The following PPM1H variants were observed in gnomAD, a reference collection of about 807,000 sequenced individuals.
PPM1H encodes the protein protein phosphatase 1H.
In PPM1H, 27 loss-of-function variants were observed where a neutral mutation model predicts 54.9. The ratio of observed to expected loss-of-function variants is 0.49; its 90% CI spans 0.36 to 0.68. PPM1H has a LOEUF of 0.68. Among genes scored for constraint, PPM1H ranks in the 30% least tolerant of loss-of-function variants. The pLI, the probability that PPM1H is intolerant of heterozygous loss-of-function variation, is 0.00. For missense variants in PPM1H, 596 were observed against 667.8 expected (o/e 0.89, Z 1.19); for synonymous variants, 305 against 270.8 (o/e 1.13, Z -1.24).
intron 4 of PPM1H, among the ~76,000 whole-genome samples, chr12:62,786,149 C>T (rs11174650): frequency 0.064 from 9,753 of 152,256 alleles, 419 homozygotes; most frequent in Middle Eastern, 0.12. Context: ...ATCATCCACT[C>T]GGTCTTACTC....
chr12:62,738,443 C>T (rs1299189688), intron 4 of PPM1H, among the ~76,000 whole-genome samples: 1 of 152,094 alleles, frequency 6.6e-6, no homozygotes, highest in African/African-American at 2.4e-5. Flanking sequence ...AGCTATTGCC[C>T]AGTCAAGGAC....
At chr12:62,820,446 G>A (rs1432250594) in intron 2 of PPM1H, among the ~76,000 whole-genome samples, 2 of 152,236 alleles carry the variant, frequency 1.3e-5, no homozygotes, top group Admixed American at 6.5e-5. Flanking sequence ...GCCTCCTCAA[G>A]TGGGTCCCTG....
intron 4 of PPM1H, among the ~76,000 whole-genome samples, chr12:62,769,393 G>A (rs901871212): frequency 6.6e-6 from 1 of 152,224 alleles, no homozygotes; most frequent in Non-Finnish European, 1.5e-5. Flanking sequence ...CTGCGTGTGA[G>A]CAACTGGTCC....
At chr12:62,777,978 A>G (rs1164824571) in intron 4 of PPM1H, among the ~76,000 whole-genome samples, 1 of 152,210 alleles carries the variant, frequency 6.6e-6, no homozygotes, top group Non-Finnish European at 1.5e-5. Context: ...GAGAAGAAAA[A>G]TAAAAATTAG....
chr12:62,734,119 T>C (rs1436212799), intron 5 of PPM1H, among the ~76,000 whole-genome samples: 1 of 150,124 alleles, frequency 6.7e-6, no homozygotes, highest in African/African-American at 2.5e-5. Context: ...TCCTTGTGCC[T>C]TCTGCCACAT....
In PPM1H at chr12:62,645,169, A is replaced by G. The variant is rs2075778333; in HGVS notation, c.*3320T>C. 6.6e-6 allele frequency: 1 copy of G among 152,152 alleles called. No homozygotes were observed. The highest frequency in any genetic ancestry group is 2.1e-4 in the South Asian group (1 of 4,830). 9.4% of individuals were successfully genotyped at this position (152,152 alleles called of 1,614,324 possible). A position where few individuals can be genotyped will look rare whatever the true frequency, so the allele number is the denominator to read the frequency against. On this transcript the variant is annotated 3_prime_UTR_variant, in exon 10 of 10. Coordinates refer to ENST00000228705, the MANE Select transcript of PPM1H (RefSeq NM_020700.2). ...CTTGTTAAATGGAAAACCCTTCCTGAATGGGGAAGATCTGAGGCTAAATCT... is the reference window on the plus strand; with the variant it reads ...CTTGTTAAATGGAAAACCCTTCCTGGATGGGGAAGATCTGAGGCTAAATCT...
Position 62,737,536 on chromosome 12 carries a change from G to A in PPM1H, c.920C>T (p.Thr307Ile), listed in dbSNP as rs1033115757. 1 of 1,588,178 alleles carries A rather than the reference G, an allele frequency of 6.3e-7. No homozygotes were observed. Among genetic ancestry groups the A allele is most frequent in the Non-Finnish European group, 8.6e-7 (1 of 1,166,400 alleles). ...GEIIPMSSEF[T>I]PETERQRLQY... is the part of the protein sequence containing the mutation. ...AAGTCGCTGGCGCTCCGTCTCGGGG[G>A]TAAATTCTGAAGACATGGGGATAAT... Residue 307 changes from threonine (T) to isoleucine (I), a missense_variant, in exon 5 of 10, where the codon ACC becomes ATC. Physicochemically the swap from Thr to Ile is moderately conservative, Grantham distance 89. Transcript: ENST00000228705.
chr12:62,714,562 C>A (rs560856648), intron 6 of PPM1H, among the ~76,000 whole-genome samples: 3 of 152,242 alleles, frequency 2.0e-5, no homozygotes, highest in South Asian at 2.1e-4. Context: ...AAGCCTACCC[C>A]CTGCCGCCAC....
At chr12:62,756,990 T>C (rs2076480467) in intron 4 of PPM1H, among the ~76,000 whole-genome samples, 1 of 152,072 alleles carries the variant, frequency 6.6e-6, no homozygotes, top group East Asian at 1.9e-4. Flanking sequence ...CACTCAATGC[T>C]ATGACTGGTC....
chr12:62,821,066 G>T (rs1244129856), intron 2 of PPM1H, among the ~76,000 whole-genome samples: 2 of 152,156 alleles, frequency 1.3e-5, no homozygotes, highest in African/African-American at 2.4e-5. Flanking sequence ...ACAGTGTAGA[G>T]AAGACCTTAA....
At chr12:62,653,749 C>T (rs2075828181) in intron 9 of PPM1H, among the ~76,000 whole-genome samples, 1 of 152,170 alleles carries the variant, frequency 6.6e-6, no homozygotes, top group South Asian at 2.1e-4. Context: ...AGAACATGTT[C>T]ATTTCAGCTT....
chr12:62,915,814 T>C (rs1294811675), intron 1 of PPM1H, among the ~76,000 whole-genome samples: 2 of 152,292 alleles, frequency 1.3e-5, no homozygotes, highest in East Asian at 3.9e-4. Context: ...TGGTTCAGGC[T>C]CCACGTGGGG....
chr12:62,874,323 C>G (rs1303291961), intron 1 of PPM1H, among the ~76,000 whole-genome samples: 2 of 152,064 alleles, frequency 1.3e-5, no homozygotes, highest in African/African-American at 2.4e-5. Flanking sequence ...GAGTGACTTT[C>G]AAAGGAGAAC....
At chr12:62,929,615 C>T (rs142119240) in intron 1 of PPM1H, among the ~76,000 whole-genome samples, 1 of 152,194 alleles carries the variant, frequency 6.6e-6, no homozygotes, top group East Asian at 1.9e-4. Flanking sequence ...TAGTAAACAC[C>T]CCCCTGCATG....
At chr12:62,803,227 G>A (rs958584500) in intron 2 of PPM1H, among the ~76,000 whole-genome samples, 7 of 152,080 alleles carry the variant, frequency 4.6e-5, no homozygotes, top group Non-Finnish European at 8.8e-5. Context: ...CATGCAACCC[G>A]TGTTCCCTCA....
intron 2 of PPM1H, among the ~76,000 whole-genome samples, chr12:62,806,482 G>T (rs1001916006): frequency 2.0e-5 from 3 of 152,172 alleles, no homozygotes; most frequent in African/African-American, 7.2e-5. Flanking sequence ...ATACGGTTTG[G>T]ATTTGTGTCC....
chr12:62,746,613 C>A (rs772169987), intron 4 of PPM1H, among the ~76,000 whole-genome samples: 2 of 152,180 alleles, frequency 1.3e-5, no homozygotes, highest in Non-Finnish European at 2.9e-5. Flanking sequence ...GTCCTTGTTG[C>A]GAGGCAGCCA....
At chr12:62,925,812 A>C (rs750270770) in intron 1 of PPM1H, among the ~76,000 whole-genome samples, 9 of 152,200 alleles carry the variant, frequency 5.9e-5, no homozygotes, top group Non-Finnish European at 1.0e-4. Context: ...ACAGCTCCCC[A>C]AGGTCTGCAA....
intron 2 of PPM1H, among the ~76,000 whole-genome samples, chr12:62,831,805 A>ATATACGTG (rs1868364934): frequency 6.6e-6 from 1 of 150,972 alleles, no homozygotes; most frequent in African/African-American, 2.5e-5. Flanking sequence ...ACACACACAC[A>ATATACGTG]TATATATGTG....
Sources: allele counts gnomAD v4.1 joint callset (sites outside exome capture counted in the v4.1 genomes callset), GRCh38; gene constraint gnomAD v4.1.1; transcripts MANE v1.5; gene names NCBI Gene and HGNC (gene_info 2026-07-23, HGNC 2026-07-21).